The following TNR variants were observed in gnomAD, a reference collection of about 807,000 sequenced individuals.
TNR encodes tenascin R.
TNR carries 45 observed loss-of-function variants against 150.4 expected under a neutral mutation model. That is an observed-to-expected ratio of 0.30 (90% CI 0.24 to 0.38). The LOEUF (loss-of-function observed/expected upper bound fraction) is 0.38. TNR is among the 10% of genes least tolerant of loss of function. The pLI is 1.00. For missense variants in TNR, 1,544 were observed against 1,759.1 expected (o/e 0.88, Z 2.19); for synonymous variants, 687 against 678.4 (o/e 1.01, Z -0.20).
intron 1 of TNR, among the ~76,000 whole-genome samples, chr1:175,662,539 G>A (rs781381773): frequency 3.9e-5 from 6 of 152,224 alleles, no homozygotes; most frequent in Non-Finnish European, 7.3e-5. Flanking sequence ...CTGGGTGCTA[G>A]GCATCAGGTA....
chr1:175,345,212 T>C (rs1166107077), intron 18 of TNR, among the ~76,000 whole-genome samples: 1 of 152,162 alleles, frequency 6.6e-6, no homozygotes, highest in African/African-American at 2.4e-5. Context: ...TGAAAAAGTC[T>C]GTTTTGCTTG....
chr1:175,363,266 CAT>C (rs1461964958), intron 13 of TNR, among the ~76,000 whole-genome samples: 9 of 152,336 alleles, frequency 5.9e-5, no homozygotes, highest in African/African-American at 1.9e-4. Context: ...TCCTCTGACT[CAT>C]AACTTGTCTG....
chr1:175,425,814 CAGTG>C (rs1365192577), intron 2 of TNR, among the ~76,000 whole-genome samples: 1 of 152,130 alleles, frequency 6.6e-6, no homozygotes, highest in Non-Finnish European at 1.5e-5. Context: ...CTTCTCTAAG[CAGTG>C]AGTAAGGTGA....
chr1:175,356,421 A>G lies in TNR; in HGVS notation c.3016T>C (p.Phe1006Leu). Residue 1006 changes from phenylalanine to leucine, a missense_variant, in exon 16 of 23, where the codon TTT becomes CTT. This residue lies in a region of TNR where 1,254 missense variants were observed against 1,329.4 expected (regional missense o/e 0.94). Transcript: ENST00000367674. ...TILVDGVSEE[F>L]RLVDLLPSTH... ...CTAGGAAGCAGGTCAACAAGCCGAA[A>G]TTCCTCACTGACTCCGTCAACAAGG... 2 of 1,614,030 alleles carry G rather than the reference A, an allele frequency of 1.2e-6. No individual in the cohort carries two copies. Among genetic ancestry groups the G allele is most frequent in the Non-Finnish European group, 1.7e-6 (2 of 1,179,914 alleles).
intron 7 of TNR, 98 bp from the exon 8 acceptor site, chr1:175,386,399 A>G: frequency 7.5e-7 from 1 of 1,327,932 alleles, no homozygotes; most frequent in Non-Finnish European, 1.0e-6. Context: ...CTGGTGAGTC[A>G]GAGAGAGGAT....
At chr1:175,710,384 T>G (rs1666976125) in intron 1 of TNR, among the ~76,000 whole-genome samples, 1 of 152,128 alleles carries the variant, frequency 6.6e-6, no homozygotes, top group Non-Finnish European at 1.5e-5. Context: ...CTGTCCTGCT[T>G]ATGTTGGGCA....
At chr1:175,693,516 T>G (rs1416485629) in intron 1 of TNR, among the ~76,000 whole-genome samples, 1 of 152,204 alleles carries the variant, frequency 6.6e-6, no homozygotes, top group Admixed American at 6.5e-5. Context: ...GAGACTTTGA[T>G]GATTAATTTC....
intron 2 of TNR, among the ~76,000 whole-genome samples, chr1:175,439,101 A>T (rs558691246): frequency 1.6e-3 from 241 of 152,368 alleles, no homozygotes; most frequent in African/African-American, 5.6e-3. Flanking sequence ...AGCTGGAGGC[A>T]TCACGCTATC....
chr1:175,484,642 G>A (rs1347278742), intron 2 of TNR, among the ~76,000 whole-genome samples: 3 of 151,882 alleles, frequency 2.0e-5, no homozygotes, highest in Non-Finnish European at 2.9e-5. Context: ...TTCATGTTTG[G>A]CTTTTTGCTC....
At chr1:175,710,334 T>C (rs1558085353) in intron 1 of TNR, among the ~76,000 whole-genome samples, 1 of 152,096 alleles carries the variant, frequency 6.6e-6, no homozygotes, top group Admixed American at 6.5e-5. Flanking sequence ...CCCTGAGCTG[T>C]GGGCATGGAG....
At chr1:175,384,729 T>C (rs1270449264) in intron 8 of TNR, among the ~76,000 whole-genome samples, 5 of 152,236 alleles carry the variant, frequency 3.3e-5, no homozygotes, top group African/African-American at 1.2e-4. Context: ...TGTTCCTCTA[T>C]GCTCTAAGTC....
chr1:175,609,597 T>TACTCTTGG (rs1663529040), intron 1 of TNR, among the ~76,000 whole-genome samples: 2 of 152,220 alleles, frequency 1.3e-5, no homozygotes, highest in Non-Finnish European at 2.9e-5. Context: ...GATGCCCCTG[T>TACTCTTGG]ACTCTTGGAC....
chr1:175,670,890 T>C (rs982018841), intron 1 of TNR, among the ~76,000 whole-genome samples: 3 of 152,174 alleles, frequency 2.0e-5, no homozygotes, highest in African/African-American at 7.2e-5. Flanking sequence ...AGTCTGAATA[T>C]GGGCAAGTAC....
At chr1:175,689,927 A>G (rs1666310942) in intron 1 of TNR, among the ~76,000 whole-genome samples, 1 of 152,218 alleles carries the variant, frequency 6.6e-6, no homozygotes, top group Non-Finnish European at 1.5e-5. Context: ...GTTGTGAATC[A>G]ATAATAGGCA....
At chr1:175,679,422 A>G (rs1206848893) in intron 1 of TNR, among the ~76,000 whole-genome samples, 1 of 152,266 alleles carries the variant, frequency 6.6e-6, no homozygotes, top group African/African-American at 2.4e-5. Flanking sequence ...AGTAGCAGCT[A>G]GAGGAGGGAG....
chr1:175,436,619 C>A (rs1655522973), intron 2 of TNR, among the ~76,000 whole-genome samples: 1 of 152,140 alleles, frequency 6.6e-6, no homozygotes, highest in African/African-American at 2.4e-5. Context: ...CATCAGTGTG[C>A]TGTATTCAGG....
chr1:175,612,107 T>A lies in TNR; in HGVS notation c.-164-83738A>T, dbSNP rs1281869106. Among the ~76,000 whole-genome samples, 3 of 152,266 alleles carry A rather than the reference T, an allele frequency of 2.0e-5. No individual in the cohort carries two copies. The East Asian group carries it at 5.8e-4, about 29-fold the overall frequency. On this transcript the variant is annotated intron_variant, in intron 1 of 22. Transcript: ENST00000367674. ...GGATGCAGTATGATAAACCCTGTCT[T>A]GATTTTGGAGAAGCAGCCCACAGGT...
intron 1 of TNR, among the ~76,000 whole-genome samples, chr1:175,637,787 A>G (rs1468336661): frequency 6.6e-6 from 1 of 152,100 alleles, no homozygotes; most frequent in African/African-American, 2.4e-5. Context: ...GCTCCTTTTC[A>G]TTGTCTAAAG....
intron 2 of TNR, among the ~76,000 whole-genome samples, chr1:175,512,144 C>A (rs1659204313): frequency 6.6e-6 from 1 of 152,180 alleles, no homozygotes; most frequent in Non-Finnish European, 1.5e-5. Flanking sequence ...GAACTCTCTT[C>A]ACCCTAGAAA....
Sources: allele counts gnomAD v4.1 joint callset (sites outside exome capture counted in the v4.1 genomes callset), GRCh38; gene constraint gnomAD v4.1.1; regional missense constraint gnomAD v4.1.1; transcripts MANE v1.5; gene names NCBI Gene and HGNC (gene_info 2026-07-23, HGNC 2026-07-21).